AFAP1: variants seen among roughly 807,000 people sequenced by gnomAD.
AFAP1 encodes the protein actin filament associated protein 1.
A neutral mutation model predicts 93.9 loss-of-function variants in AFAP1; 75 were observed. The ratio of observed to expected loss-of-function variants is 0.80; its 90% CI spans 0.66 to 0.97. The LOEUF is 0.97. Ranked by LOEUF, AFAP1 falls within the 50% of genes least tolerant of loss-of-function variation. The pLI is 0.00. For synonymous variants in AFAP1, 517 were observed against 430.7 expected, an observed-to-expected ratio of 1.20 and a Z score of -2.48; for missense variants, 1,201 against 1,050.8, an observed-to-expected ratio of 1.14 and a Z score of -1.98.
At chr4:7,927,297 T>G (rs1720817835) in intron 1 of AFAP1, among the ~76,000 whole-genome samples, 1 of 152,090 alleles carries the variant, frequency 6.6e-6, no homozygotes, top group African/African-American at 2.4e-5. Flanking sequence ...AGCTAAGAGC[T>G]CCGAAGCCAG....
intron 16 of AFAP1, among the ~76,000 whole-genome samples, chr4:7,771,289 T>C (rs1285140879): frequency 1.4e-5 from 2 of 141,886 alleles, no homozygotes; most frequent in African/African-American, 5.8e-5. Flanking sequence ...GGAAGTGAGG[T>C]GGGAGGATCA....
intron 7 of AFAP1, among the ~76,000 whole-genome samples, 191 bp downstream of exon 7, chr4:7,818,885 C>T (rs1182635677): frequency 1.3e-5 from 2 of 152,218 alleles, no homozygotes; most frequent in African/African-American, 4.8e-5. Context: ...ACAACACTAA[C>T]TACACAGTCT....
intron 11 of AFAP1, among the ~76,000 whole-genome samples, chr4:7,790,786 G>C (rs995133127): frequency 6.6e-6 from 1 of 152,134 alleles, no homozygotes; most frequent in Non-Finnish European, 1.5e-5. Flanking sequence ...AAACAGAACG[G>C]TAAGTACTAG....
In AFAP1 at chr4:7,872,021, G is replaced by T; in HGVS notation, c.58C>A (p.Leu20Ile). The change falls in exon 2 of 18, where the codon CTA (leucine) becomes ATA (isoleucine). Residue 20 changes from leucine (L) to isoleucine (I), a missense_variant. By Grantham distance (5) the Leu-to-Ile change is conservative. Transcript: ENST00000420658. ...LFLELLDHEY[L>I]TSTVREKKAV... ...TTTTTCTCCCTGACAGTTGAGGTTAGATATTCATGGTCCAGGAGTTCAAGA... is the reference window on the plus strand; with the variant it reads ...TTTTTCTCCCTGACAGTTGAGGTTATATATTCATGGTCCAGGAGTTCAAGA... The T allele has an allele frequency of 1.2e-6, 2 of 1,614,146 alleles. No individual in the cohort carries two copies. Among genetic ancestry groups the T allele is most frequent in the Non-Finnish European group, 1.7e-6 (2 of 1,180,008 alleles).
chr4:7,876,246 C>T (rs114536570), intron 1 of AFAP1, among the ~76,000 whole-genome samples: 4 of 152,290 alleles, frequency 2.6e-5, no homozygotes, highest in African/African-American at 7.2e-5. Context: ...GGGAGTTTGT[C>T]GTGGCCCTGG....
At chr4:7,906,464 C>G (rs1204103211) in intron 1 of AFAP1, among the ~76,000 whole-genome samples, 1 of 152,164 alleles carries the variant, frequency 6.6e-6, no homozygotes, top group Non-Finnish European at 1.5e-5. Context: ...TTCCACCCCC[C>G]TATTCCGGAG....
rs766327311 is a variant in AFAP1, at chr4:7,838,526, T to TCA, written c.722_723dup (p.Lys242Ter). On this transcript the variant is annotated frameshift_variant, in exon 6 of 18. Transcript: ENST00000420658. LOFTEE classifies it high-confidence loss of function. ...GTGAAACACAGCAGACAACCTACCT[T>TCA]CAGCCACTGCTCGGCCTGTTCCTTG... The TCA allele has an allele frequency of 6.2e-7, 1 of 1,612,368 alleles. No individual in the cohort carries two copies. Among genetic ancestry groups the TCA allele is most frequent in the South Asian group, 1.1e-5 (1 of 90,846 alleles).
chr4:7,879,699 C>CTTTTTTTTTTTT (rs552211338), intron 1 of AFAP1, among the ~76,000 whole-genome samples: 24 of 121,706 alleles, frequency 2.0e-4, no homozygotes, highest in African/African-American at 6.1e-4. Context: ...TGCTTGCTTG[C>CTTTTTTTTTTTT]TTTTTTTTTT....
At chr4:7,846,268 G>A (rs28711912) in intron 4 of AFAP1, among the ~76,000 whole-genome samples, 162 of 152,274 alleles carry the variant, frequency 1.1e-3, no homozygotes, top group African/African-American at 3.8e-3. Flanking sequence ...ATAAATCACT[G>A]AGCATATACT....
At chr4:7,928,825 C>T (rs182830944) in intron 1 of AFAP1, among the ~76,000 whole-genome samples, 7 of 152,360 alleles carry the variant, frequency 4.6e-5, no homozygotes, top group African/African-American at 7.2e-5. Flanking sequence ...GCAATGGCCG[C>T]GGTGTTCCCC....
intron 16 of AFAP1, among the ~76,000 whole-genome samples, chr4:7,769,919 A>C (rs1187353202): frequency 6.6e-6 from 1 of 152,168 alleles, no homozygotes; most frequent in African/African-American, 2.4e-5. Context: ...GGTAGTAGTG[A>C]GTGAATACAA....
intron 1 of AFAP1, among the ~76,000 whole-genome samples, chr4:7,928,960 G>C (rs908391167): frequency 9.9e-5 from 15 of 152,208 alleles, no homozygotes; most frequent in Non-Finnish European, 2.2e-4. Context: ...ACAGCACCTG[G>C]TTGCTGCCCC....
chr4:7,852,685 G>A (rs28631977), intron 4 of AFAP1, among the ~76,000 whole-genome samples: 16,512 of 152,084 alleles, frequency 0.11, 1,144 homozygotes, highest in Non-Finnish European at 0.16. Context: ...ATACAAAAGG[G>A]GCAGTAGATG....
intron 8 of AFAP1, among the ~76,000 whole-genome samples, chr4:7,812,396 G>C (rs11724632): frequency 7.4e-4 from 113 of 152,150 alleles, no homozygotes; most frequent in Non-Finnish European, 1.4e-3. Context: ...GCAAAGAAAT[G>C]AGATCATAAT....
intron 1 of AFAP1, among the ~76,000 whole-genome samples, chr4:7,921,821 T>C (rs1037589482): frequency 6.6e-6 from 1 of 152,202 alleles, no homozygotes; most frequent in Non-Finnish European, 1.5e-5. Flanking sequence ...CCAACATCTG[T>C]GTTTTTAAAA....
chr4:7,779,389 C>CATAACA (rs1219428171), intron 13 of AFAP1, among the ~76,000 whole-genome samples: 2 of 152,206 alleles, frequency 1.3e-5, no homozygotes, highest in African/African-American at 4.8e-5. Context: ...GCAAGAGAAG[C>CATAACA]ATAACACAGG....
chr4:7,894,384 C>T (rs1482141449), intron 1 of AFAP1, among the ~76,000 whole-genome samples: 2 of 152,006 alleles, frequency 1.3e-5, no homozygotes, highest in Admixed American at 1.3e-4. Flanking sequence ...CTTTAGGGGA[C>T]AAAACTCGAA....
rs569262471 is a variant in AFAP1 at position 7,772,935 on chromosome 4, C to T, written c.2138G>A (p.Arg713His). The change falls in exon 16 of 18, where the codon CGT (arginine) becomes CAT (histidine). Residue 713 changes from arginine (R) to histidine (H), a missense_variant. Physicochemically the swap from Arg to His is conservative, Grantham distance 29. Transcript: ENST00000420658. ...CGTCAGCTCCAGCTCCAGGCTGACACGCTCCGCCTCCTTCTGCCGGCACTC... is the reference window on the plus strand; with the variant it reads ...CGTCAGCTCCAGCTCCAGGCTGACATGCTCCGCCTCCTTCTGCCGGCACTC... ...EEECRQKEAE[R>H]VSLELELTEV... 18 of 1,613,934 alleles carry T rather than the reference C, an allele frequency of 1.1e-5. No homozygotes were observed. The highest frequency in any genetic ancestry group is 5.0e-5 in the Admixed American group (3 of 60,032).
At chr4:7,819,054 C>G in intron 7 of AFAP1, 22 bp downstream of exon 7, 1 of 1,570,494 alleles carries the variant, frequency 6.4e-7, no homozygotes, top group Admixed American at 1.9e-5. Flanking sequence ...CCGTCCCCAC[C>G]CAGCAAGAGC....
Sources: gnomAD v4.1 joint callset for allele counts (sites outside exome capture counted in the v4.1 genomes callset) on GRCh38, gnomAD v4.1.1 for gene constraint, MANE v1.5 for transcripts, NCBI Gene and HGNC (gene_info 2026-07-23, HGNC 2026-07-21) for gene names.